Variants in SYNPR observed in about 807,000 individuals in gnomAD.
The protein encoded by SYNPR is synaptoporin.
Under a neutral mutation model 32.9 loss-of-function variants are expected in SYNPR, and 23 were observed. The observed-to-expected ratio is 0.70, with a 90% CI of 0.50 to 0.99. The LOEUF is 0.99. Among genes scored for constraint, SYNPR ranks in the 50% least tolerant of loss-of-function variants. The probability of loss-of-function intolerance (pLI) is 0.00; values close to 1 mark genes in which losing one functional copy is unlikely to be tolerated. For synonymous variants in SYNPR, 146 were observed against 135.9 expected (o/e 1.07, Z -0.52); for missense variants, 318 against 349.3 (o/e 0.91, Z 0.71).
intron 5 of SYNPR, 72 bp downstream of exon 5, chr3:63,609,388 C>A: frequency 7.5e-7 from 1 of 1,334,498 alleles, no homozygotes; most frequent in South Asian, 1.8e-5. Context: ...AAAAACATCT[C>A]AGAAGTCATC....
intron 2 of SYNPR, among the ~76,000 whole-genome samples, chr3:63,396,978 C>T (rs1478348822): frequency 6.6e-6 from 1 of 152,022 alleles, no homozygotes; most frequent in African/African-American, 2.4e-5. Flanking sequence ...GTGGCAGGCA[C>T]CTGTAGTCTC....
intron 2 of SYNPR, among the ~76,000 whole-genome samples, chr3:63,311,195 A>T (rs1294669172): frequency 6.6e-6 from 1 of 152,016 alleles, no homozygotes; most frequent in African/African-American, 2.4e-5. Flanking sequence ...TATAAAAACA[A>T]ATGAGATGTA....
intron 2 of SYNPR, among the ~76,000 whole-genome samples, chr3:63,380,029 A>G (rs201269895): frequency 4.0e-5 from 6 of 151,090 alleles, no homozygotes; most frequent in African/African-American, 7.3e-5. Context: ...ATCATTTTTT[A>G]TGGCTGCATA....
At chr3:63,474,972 A>T (rs1700872328) in intron 2 of SYNPR, among the ~76,000 whole-genome samples, 1 of 152,186 alleles carries the variant, frequency 6.6e-6, no homozygotes, top group African/African-American at 2.4e-5. Flanking sequence ...AACCAGAAGG[A>T]TTAATATCAC....
chr3:63,250,611 G>C (rs540554528), intron 1 of SYNPR, among the ~76,000 whole-genome samples: 3 of 152,216 alleles, frequency 2.0e-5, no homozygotes, highest in African/African-American at 7.2e-5. Flanking sequence ...CCAAATTTTG[G>C]TGTATTTTAC....
intron 2 of SYNPR, among the ~76,000 whole-genome samples, chr3:63,370,599 G>A (rs992999089): frequency 1.3e-4 from 20 of 152,166 alleles, no homozygotes; most frequent in Admixed American, 6.5e-5. Context: ...AATACCACAT[G>A]GCCTTTTGTC....
At chr3:63,556,890 A>G (rs2106828477) in intron 4 of SYNPR, 149 bp downstream of exon 4, 1 of 792,204 alleles carries the variant, frequency 1.3e-6, no homozygotes, top group South Asian at 2.3e-5. Context: ...CGAAGCCACA[A>G]CAAAAACTGA....
intron 4 of SYNPR, among the ~76,000 whole-genome samples, chr3:63,599,451 T>C (rs537850973): frequency 1.3e-5 from 2 of 151,904 alleles, no homozygotes; most frequent in East Asian, 1.9e-4. Context: ...CAAATACTTA[T>C]CATCATCATG....
At chr3:63,345,742 T>TTA (rs1041197567) in intron 2 of SYNPR, among the ~76,000 whole-genome samples, 2 of 152,104 alleles carry the variant, frequency 1.3e-5, no homozygotes, top group African/African-American at 4.8e-5. Context: ...AGGGACAAAT[T>TTA]TATATATATT....
chr3:63,425,389 A>G (rs1469035392), intron 2 of SYNPR, among the ~76,000 whole-genome samples: 1 of 152,202 alleles, frequency 6.6e-6, no homozygotes, highest in Non-Finnish European at 1.5e-5. Flanking sequence ...TAGGGGAGGT[A>G]TAGGTTAACT....
chr3:63,487,060 G>A (rs6445353), intron 3 of SYNPR, among the ~76,000 whole-genome samples: 105,397 of 152,008 alleles, frequency 0.69, 37,645 homozygotes, highest in African/African-American at 0.88. Context: ...CTTTCTCCTC[G>A]AAGGTTTGGG....
chr3:63,290,189 A>C (rs1405455318), intron 2 of SYNPR, among the ~76,000 whole-genome samples: 2 of 152,086 alleles, frequency 1.3e-5, no homozygotes, highest in Non-Finnish European at 2.9e-5. Flanking sequence ...AGATCCCACT[A>C]CTTGCCTAAA....
chr3:63,562,775 C>A (rs1321545957), intron 4 of SYNPR, among the ~76,000 whole-genome samples: 1 of 152,174 alleles, frequency 6.6e-6, no homozygotes, highest in African/African-American at 2.4e-5. Context: ...AATAGCAGAA[C>A]AAAGACACAA....
chr3:63,395,791 T>C (rs1431651045), intron 2 of SYNPR, among the ~76,000 whole-genome samples: 1 of 152,208 alleles, frequency 6.6e-6, no homozygotes, highest in Non-Finnish European at 1.5e-5. Context: ...TTTATCTGCA[T>C]TGAGGATCAT....
intron 1 of SYNPR, among the ~76,000 whole-genome samples, chr3:63,228,841 T>C (rs1375347676): frequency 6.6e-6 from 1 of 151,354 alleles, no homozygotes; most frequent in Non-Finnish European, 1.5e-5. Context: ...AAACTTCTAG[T>C]TTTGCTTTCA....
At chr3:63,522,575 A>T (rs13067087) in intron 3 of SYNPR, among the ~76,000 whole-genome samples, 33,917 of 152,134 alleles carry the variant, frequency 0.22, 3,860 homozygotes, top group East Asian at 0.32. Flanking sequence ...TCCAGGCTCC[A>T]GTCCCAAAGG....
intron 2 of SYNPR, among the ~76,000 whole-genome samples, chr3:63,298,946 C>T (rs1180456878): frequency 6.6e-6 from 1 of 152,082 alleles, no homozygotes; most frequent in East Asian, 1.9e-4. Flanking sequence ...ATATTGAGAC[C>T]TCCAACAAAA....
At chr3:63,337,663 T>C (rs1284298443) in intron 2 of SYNPR, among the ~76,000 whole-genome samples, 3 of 152,236 alleles carry the variant, frequency 2.0e-5, no homozygotes, top group Non-Finnish European at 4.4e-5. Context: ...GTCCGTACAA[T>C]GGAATATGTT....
chr3:63,252,066 T>C (rs1438371399), intron 1 of SYNPR, among the ~76,000 whole-genome samples: 1 of 151,934 alleles, frequency 6.6e-6, no homozygotes. Context: ...CTATTAAAAA[T>C]AAAGAGGCAA....
Sources: allele counts gnomAD v4.1 joint callset (sites outside exome capture counted in the v4.1 genomes callset), GRCh38; gene constraint gnomAD v4.1.1; transcripts MANE v1.5; gene names NCBI Gene and HGNC (gene_info 2026-07-23, HGNC 2026-07-21).